TFDP2: variants seen among roughly 807,000 people sequenced by gnomAD.
TFDP2 encodes the protein transcription factor Dp-2.
In TFDP2, 17 loss-of-function variants were observed where a neutral mutation model predicts 59.3. The ratio of observed to expected loss-of-function variants is 0.29; its 90% CI spans 0.20 to 0.43. The LOEUF (loss-of-function observed/expected upper bound fraction) is 0.43. Ranked by LOEUF, TFDP2 falls within the 20% of genes least tolerant of loss-of-function variation. The probability of loss-of-function intolerance (pLI) is 1.00; values close to 1 mark genes in which losing one functional copy is unlikely to be tolerated. For missense variants in TFDP2, 391 were observed against 528.8 expected (o/e 0.74, Z 2.56); for synonymous variants, 180 against 194.7 (o/e 0.92, Z 0.63).
intron 1 of TFDP2, among the ~76,000 whole-genome samples, chr3:142,123,413 C>T (rs1041196551): frequency 4.6e-5 from 7 of 152,280 alleles, no homozygotes; most frequent in South Asian, 2.1e-4. Flanking sequence ...GGATTAGAGG[C>T]GTGAGCCATC....
intron 3 of TFDP2, among the ~76,000 whole-genome samples, chr3:142,062,022 G>A (rs547211923): frequency 6.6e-6 from 1 of 151,190 alleles, no homozygotes; most frequent in Middle Eastern, 3.4e-3. Flanking sequence ...TGCCACCCGA[G>A]ACGGCAAAAT....
rs1273327898 is a variant in TFDP2 at position 141,991,528 on chromosome 3, G to T, written c.356+2010C>A. On this transcript the variant is annotated intron_variant, in intron 6 of 12. Coordinates refer to ENST00000489671, the MANE Select transcript of TFDP2 (RefSeq NM_001178139.2). ...AATCTCAGCACTTTGGGAGGCCAAGGTGGGTGGATCACTTGAGGTGAGGAG... is the reference window on the plus strand; with the variant it reads ...AATCTCAGCACTTTGGGAGGCCAAGTTGGGTGGATCACTTGAGGTGAGGAG... Among the ~76,000 whole-genome samples, 3 of 152,208 alleles carry T rather than the reference G, an allele frequency of 2.0e-5. 1 individual carries two copies. The highest frequency in any genetic ancestry group is 4.1e-4 in the South Asian group (2 of 4,834).
chr3:142,032,873 G>A (rs771962544), intron 3 of TFDP2, among the ~76,000 whole-genome samples: 20 of 152,178 alleles, frequency 1.3e-4, no homozygotes, highest in Admixed American at 5.2e-4. Flanking sequence ...TTAGCCATAT[G>A]TGGCCATTTA....
At position 142,149,167 on chromosome 3, in the gene TFDP2, T is replaced by C. The variant is rs1006401909; in HGVS notation, c.-93+16A>G. On this transcript the variant is annotated intron_variant, in intron 1 of 12. Transcript: ENST00000489671. ...GCCCTCCGCGCGCGGGCCCGCGCCC[T>C]CGCCCCAGACCTTACCGCCTTCGGC... 1.8e-5 allele frequency: 7 copies of C among 397,224 alleles called. No homozygotes were observed. Among genetic ancestry groups the C allele is most frequent in the African/African-American group, 6.2e-5 (3 of 48,492 alleles). The allele number at this position is 397,224 out of a possible 1,614,324, so 24.6% of individuals were successfully genotyped here.
At chr3:142,024,889 G>A (rs1012104703) in intron 3 of TFDP2, among the ~76,000 whole-genome samples, 8 of 152,008 alleles carry the variant, frequency 5.3e-5, no homozygotes, top group African/African-American at 9.6e-5. Context: ...GTTTGGTGGC[G>A]GGCGCCTGTA....
chr3:141,995,659 G>A lies in TFDP2; in HGVS notation c.187-518C>T, dbSNP rs143330451. On this transcript the variant is annotated intron_variant, in intron 4 of 12. Transcript: ENST00000489671. ...CAGCATTTGGGAGGCCGAGGTGGGA[G>A]GATCACCTGAGGTCACGAGTTCAAG... Among the ~76,000 whole-genome samples, 722 of 152,142 alleles carry A rather than the reference G, an allele frequency of 4.7e-3. 11 individuals are homozygous for A. The highest frequency in any genetic ancestry group is 0.017 in the African/African-American group (686 of 41,512).
chr3:142,097,201 A>G (rs1438744166), intron 2 of TFDP2, among the ~76,000 whole-genome samples: 1 of 152,220 alleles, frequency 6.6e-6, no homozygotes, highest in African/African-American at 2.4e-5. Flanking sequence ...AAATCTGTGC[A>G]ATCTTAGCAA....
At chr3:141,986,312 G>C (rs932442956) in intron 6 of TFDP2, among the ~76,000 whole-genome samples, 2 of 152,164 alleles carry the variant, frequency 1.3e-5, no homozygotes, top group African/African-American at 2.4e-5. Flanking sequence ...ATAAAGAAAA[G>C]TACGCAAACC....
intron 10 of TFDP2, among the ~76,000 whole-genome samples, chr3:141,961,237 GTTTTTTTTTTTTTTTT>G (rs1177754086): frequency 1.2e-5 from 1 of 84,680 alleles, no homozygotes; most frequent in Non-Finnish European, 2.2e-5. Context: ...GTTTTTTGTT[GTTTTTTTTTTTTTTTT>G]TTTTTTTTGA....
chr3:141,960,656 G>T (rs554040074), intron 10 of TFDP2, among the ~76,000 whole-genome samples: 62 of 152,106 alleles, frequency 4.1e-4, no homozygotes, highest in African/African-American at 1.4e-3. Flanking sequence ...TTGAATAACA[G>T]ATTATCTTAG....
Position 142,002,319 on chromosome 3 carries a change from T to TG in TFDP2, c.186+3121_186+3122insC, listed in dbSNP as rs748450292. On this transcript the variant is annotated intron_variant, in intron 4 of 12. Coordinates refer to ENST00000489671, the MANE Select transcript of TFDP2 (RefSeq NM_001178139.2). The stretch of plus-strand genomic sequence containing the variant: ...CTAGCTAATTTTTTATTTTTAGTGT[T>TG]TTTTTTTTTTTTTTTTTTTGATAAA... Among the ~76,000 whole-genome samples the TG allele has an allele frequency of 8.4e-3, 1,048 of 124,038 alleles. 15 individuals carry two copies. Among genetic ancestry groups the TG allele is most frequent in the African/African-American group, 0.026 (972 of 37,444 alleles). The allele number at this position is 124,038 out of a possible 152,430, so 81.4% of individuals were successfully genotyped here.
intron 3 of TFDP2, among the ~76,000 whole-genome samples, chr3:142,082,140 G>T (rs1484038561): frequency 6.6e-6 from 1 of 152,156 alleles, no homozygotes; most frequent in Non-Finnish European, 1.5e-5. Context: ...GAGTCTCACA[G>T]GAGTGCAAAC....
At chr3:142,122,108 C>T (rs2062069640) in intron 1 of TFDP2, among the ~76,000 whole-genome samples, 1 of 152,104 alleles carries the variant, frequency 6.6e-6, no homozygotes, top group African/African-American at 2.4e-5. Flanking sequence ...ACTAAAAACT[C>T]ACTGATTTAA....
In TFDP2 at chr3:141,969,106, CAT is replaced by C. The variant is rs1209104800; in HGVS notation, c.732+965_732+966del. ...ATATATATAACATATATATATATCT[CAT>C]ATATATGAGATATATATATAACATA... On this transcript the variant is annotated intron_variant, in intron 9 of 12. Coordinates refer to ENST00000489671, the MANE Select transcript of TFDP2 (RefSeq NM_001178139.2). Among the ~76,000 whole-genome samples, 10 of 63,988 alleles carry C rather than the reference CAT, an allele frequency of 1.6e-4. 2 individuals are homozygous for C. Among genetic ancestry groups the C allele is most frequent in the South Asian group, 1.2e-3 (3 of 2,440 alleles). The allele number at this position is 63,988 out of a possible 152,430, so 42.0% of individuals were successfully genotyped here.
At chr3:142,097,966 T>C (rs1033543418) in intron 2 of TFDP2, among the ~76,000 whole-genome samples, 1 of 152,154 alleles carries the variant, frequency 6.6e-6, no homozygotes, top group South Asian at 2.1e-4. Context: ...CTAATTTTTG[T>C]ATTTTTAGTA....
intron 3 of TFDP2, among the ~76,000 whole-genome samples, chr3:142,075,576 C>T (rs140052614): frequency 1.3e-5 from 2 of 152,094 alleles, no homozygotes; most frequent in East Asian, 1.9e-4. Flanking sequence ...TCCCTCTCTA[C>T]TGCTTTGAGA....
intron 9 of TFDP2, among the ~76,000 whole-genome samples, chr3:141,964,702 G>A (rs950800605): frequency 6.6e-6 from 1 of 152,048 alleles, no homozygotes; most frequent in Non-Finnish European, 1.5e-5. Flanking sequence ...TGGTGCTGTT[G>A]AGGCTGGCTG....
At chr3:142,123,116 T>C (rs1469157780) in intron 1 of TFDP2, among the ~76,000 whole-genome samples, 5 of 151,994 alleles carry the variant, frequency 3.3e-5, no homozygotes, top group Non-Finnish European at 4.4e-5. Context: ...CGCGCACCAC[T>C]ACAGCCCTGC....
At chr3:142,145,228 T>C (rs1279421682) in intron 1 of TFDP2, among the ~76,000 whole-genome samples, 1 of 152,182 alleles carries the variant, frequency 6.6e-6, no homozygotes, top group Non-Finnish European at 1.5e-5. Flanking sequence ...ACAAGGTATA[T>C]TGCTCCAAAT....
Sources: gnomAD v4.1 joint callset for allele counts (sites outside exome capture counted in the v4.1 genomes callset) on GRCh38, gnomAD v4.1.1 for gene constraint, MANE v1.5 for transcripts, NCBI Gene and HGNC (gene_info 2026-07-23, HGNC 2026-07-21) for gene names.